The following TAOK1 variants were observed in gnomAD, a reference collection of about 807,000 sequenced individuals.
The protein encoded by TAOK1 is TAO kinase 1, also known as serine/threonine-protein kinase TAO1.
Under a neutral mutation model 138.3 loss-of-function variants are expected in TAOK1, and 21 were observed. The observed-to-expected ratio is 0.15, with a 90% confidence interval of 0.11 to 0.22. The LOEUF (loss-of-function observed/expected upper bound fraction) is 0.22. Ranked by LOEUF, TAOK1 falls within the 10% of genes least tolerant of loss-of-function variation. The pLI is 1.00. For synonymous variants in TAOK1, 361 were observed against 398.4 expected (o/e 0.91, Z 1.12); for missense variants, 651 against 1,227.7 (o/e 0.53, Z 7.02).
chr17:29,490,814 C>T (rs1307936259), intron 9 of TAOK1, among the ~76,000 whole-genome samples: 2 of 152,138 alleles, frequency 1.3e-5, no homozygotes, highest in Non-Finnish European at 2.9e-5. Flanking sequence ...ACCTGGTCCT[C>T]CTACTTACAA....
chr17:29,534,059 G>A, intron 18 of TAOK1, 59 bp from the exon 19 acceptor site: 1 of 1,484,624 alleles, frequency 6.7e-7, no homozygotes, highest in Non-Finnish European at 9.0e-7. Context: ...CATAGGTCAT[G>A]AATTGATAGC....
At chr17:29,463,201 A>C (rs1188867546) in intron 2 of TAOK1, among the ~76,000 whole-genome samples, 1 of 152,150 alleles carries the variant, frequency 6.6e-6, no homozygotes, top group Non-Finnish European at 1.5e-5. Context: ...CAATGCCATA[A>C]TTTTTGTTTT....
chr17:29,473,280 C>G (rs1016273435), intron 3 of TAOK1, among the ~76,000 whole-genome samples: 4 of 152,144 alleles, frequency 2.6e-5, no homozygotes, highest in Non-Finnish European at 4.4e-5. Flanking sequence ...TTCATAGTTG[C>G]TCTGTAGCCA....
At chr17:29,472,731 C>T (rs1221232529) in intron 3 of TAOK1, among the ~76,000 whole-genome samples, 2 of 151,962 alleles carry the variant, frequency 1.3e-5, no homozygotes, top group South Asian at 2.1e-4. Context: ...TGCACCACCA[C>T]GCCCGGCTCA....
intron 1 of TAOK1, among the ~76,000 whole-genome samples, chr17:29,410,162 CTCAGTTCATTG>C (rs1905102827): frequency 6.6e-6 from 1 of 152,150 alleles, no homozygotes; most frequent in African/African-American, 2.4e-5. Context: ...ATCTCTGGGC[CTCAGTTCATTG>C]TCTGTAAAAT....
chr17:29,397,471 C>T (rs566968181), intron 1 of TAOK1, among the ~76,000 whole-genome samples: 1 of 151,302 alleles, frequency 6.6e-6, no homozygotes, highest in South Asian at 2.1e-4. Flanking sequence ...GGCATGGTGG[C>T]GCGCACCTGT....
chr17:29,538,204 T>C (rs867441877), intron 19 of TAOK1, among the ~76,000 whole-genome samples: 77 of 151,940 alleles, frequency 5.1e-4, no homozygotes, highest in Middle Eastern at 3.4e-3. Flanking sequence ...AGTATTAATA[T>C]GGAAAAATGT....
At position 29,453,809 on chromosome 17, in the gene TAOK1, G is replaced by T. The variant is rs56411468; in HGVS notation, c.132+2129G>T. On this transcript the variant is annotated intron_variant, in intron 2 of 19. Transcript: ENST00000261716. ...TAACTTCATTCACTTAGGTTTTTTT[G>T]TTTTTTTTTTTTTTGAGACAGGGTC... 3.6e-3 allele frequency among the ~76,000 whole-genome samples: 433 copies of T among 120,194 alleles called. 2 individuals carry two copies. The highest frequency in any genetic ancestry group is 4.5e-3 in the Non-Finnish European group (245 of 54,666). 78.9% of individuals were successfully genotyped at this position (120,194 alleles called of 152,430 possible). A position where few individuals can be genotyped will look rare whatever the true frequency, so the allele number is the denominator to read the frequency against.
intron 9 of TAOK1, 125 bp downstream of exon 9, chr17:29,489,882 A>G: frequency 1.9e-6 from 1 of 534,654 alleles, no homozygotes; most frequent in Non-Finnish European, 3.0e-6. Context: ...ATTAAAATAG[A>G]TGTATTTTAC....
chr17:29,523,748 CTCTGTACATA>C (rs143095434), intron 17 of TAOK1, among the ~76,000 whole-genome samples: 1 of 152,258 alleles, frequency 6.6e-6, no homozygotes, highest in East Asian at 1.9e-4. Flanking sequence ...ACCTCAATTG[CTCTGTACATA>C]TCTGTACATT....
chr17:29,466,868 A>G (rs1378527877), intron 2 of TAOK1, among the ~76,000 whole-genome samples: 1 of 152,150 alleles, frequency 6.6e-6, no homozygotes, highest in African/African-American at 2.4e-5. Context: ...CTCTTTGTTT[A>G]TAGTACTACT....
intron 1 of TAOK1, among the ~76,000 whole-genome samples, chr17:29,393,594 GT>G (rs1904498167): frequency 6.6e-6 from 1 of 152,108 alleles, no homozygotes; most frequent in Non-Finnish European, 1.5e-5. Flanking sequence ...TTTCTAAATA[GT>G]TCATCTACAA....
intron 15 of TAOK1, among the ~76,000 whole-genome samples, chr17:29,515,304 G>GAA (rs1230099467): frequency 1.3e-5 from 2 of 152,088 alleles, no homozygotes; most frequent in Admixed American, 1.3e-4. Context: ...CAAAAACCAA[G>GAA]AAGCGAGATG....
chr17:29,395,981 T>TA (rs1275950774), intron 1 of TAOK1, among the ~76,000 whole-genome samples: 1 of 152,012 alleles, frequency 6.6e-6, no homozygotes, highest in African/African-American at 2.4e-5. Flanking sequence ...TTTCCGTACT[T>TA]ACTATTAATG....
rs1002359526 is a variant in TAOK1, at chr17:29,543,362, C to A, written c.*340C>A. 6.2e-5 allele frequency: 10 copies of A among 161,668 alleles called. No individual in the cohort carries two copies. Among genetic ancestry groups the A allele is most frequent in the Admixed American group, 6.3e-5 (1 of 15,874 alleles). 10.0% of individuals were successfully genotyped at this position (161,668 alleles called of 1,614,324 possible). ...AGATAGGGGATTTTTCTGAACACTG[C>A]AAAAATAGAACGTAGCAAAATGGCT... On this transcript the variant is annotated 3_prime_UTR_variant, in exon 20 of 20. Transcript: ENST00000261716.
At chr17:29,426,949 C>G (rs1376619783) in intron 1 of TAOK1, among the ~76,000 whole-genome samples, 1 of 151,982 alleles carries the variant, frequency 6.6e-6, no homozygotes, top group Non-Finnish European at 1.5e-5. Context: ...CCCCTAGCTA[C>G]CATAAATTTA....
At chr17:29,502,160 A>G (rs1175914172) in intron 12 of TAOK1, among the ~76,000 whole-genome samples, 1 of 152,234 alleles carries the variant, frequency 6.6e-6, no homozygotes, top group Non-Finnish European at 1.5e-5. Context: ...AAAGTTGGAC[A>G]TATTGGCTTC....
intron 19 of TAOK1, among the ~76,000 whole-genome samples, chr17:29,535,412 A>AT (rs1260664562): frequency 1.3e-5 from 2 of 152,104 alleles, no homozygotes; most frequent in Non-Finnish European, 2.9e-5. Context: ...CCAACAGCTG[A>AT]TGTAGTCTTA....
chr17:29,499,923 G>A (rs886657714), intron 12 of TAOK1, among the ~76,000 whole-genome samples: 1 of 152,148 alleles, frequency 6.6e-6, no homozygotes, highest in Non-Finnish European at 1.5e-5. Context: ...TTTAGGAAAT[G>A]TGGGTGTTTG....
Sources: allele counts gnomAD v4.1 joint callset (sites outside exome capture counted in the v4.1 genomes callset), GRCh38; gene constraint gnomAD v4.1.1; transcripts MANE v1.5; gene names NCBI Gene and HGNC (gene_info 2026-07-23, HGNC 2026-07-21).